ARID4B: variants seen among roughly 807,000 people sequenced by gnomAD.
ARID4B encodes the protein AT-rich interaction domain 4B.
A neutral mutation model predicts 147.5 loss-of-function variants in ARID4B; 26 were observed. The ratio of observed to expected loss-of-function variants is 0.18; its 90% CI spans 0.13 to 0.24. ARID4B has a LOEUF of 0.24. Among genes scored for constraint, ARID4B ranks in the 10% least tolerant of loss-of-function variants. The pLI is 1.00. For missense variants in ARID4B, 1,179 were observed against 1,511.5 expected, an observed-to-expected ratio of 0.78 and a Z score of 3.65; for synonymous variants, 512 against 507.9, an observed-to-expected ratio of 1.01 and a Z score of -0.11.
chr1:235,236,836 A>ATATATATATATATATATATATATGTG lies in ARID4B; in HGVS notation c.586-2345_586-2344insCACATATATATATATATATATATATA, dbSNP rs1558233414. ...CCCACAAAACGGTTTTATAAAAAAT[A>ATATATATATATATATATATATATGTG]TATATATATATATATATATATATAT... On this transcript the variant is annotated intron_variant, in intron 8 of 23. Transcript: ENST00000264183. Among the ~76,000 whole-genome samples the ATATATATATATATATATATATATGTG allele has an allele frequency of 1.6e-3, 39 of 24,780 alleles. 5 individuals are homozygous for ATATATATATATATATATATATATGTG. In the East Asian group the frequency reaches 0.016, roughly 10 times the overall value. The allele number at this position is 24,780 out of a possible 152,430, so 16.3% of individuals were successfully genotyped here.
intron 5 of ARID4B, among the ~76,000 whole-genome samples, chr1:235,255,220 T>TATATATAG (rs1264196304): frequency 3.2e-5 from 2 of 62,350 alleles, no homozygotes; most frequent in Admixed American, 3.6e-4. Context: ...TGCTGGGAGC[T>TATATATAG]AGATAGATAG....
chr1:235,245,671 G>C (rs890804457), intron 7 of ARID4B, among the ~76,000 whole-genome samples: 1 of 152,152 alleles, frequency 6.6e-6, no homozygotes. Context: ...ATATATAAAT[G>C]AAACTGTTAC....
At chr1:235,207,873 C>T (rs1273811474) in intron 17 of ARID4B, among the ~76,000 whole-genome samples, 2 of 152,138 alleles carry the variant, frequency 1.3e-5, no homozygotes, top group African/African-American at 2.4e-5. Flanking sequence ...AAATGTAACA[C>T]ATTTTTAATT....
In ARID4B at chr1:235,194,198, T is replaced by C. The variant is rs1558188149; in HGVS notation, c.1940A>G (p.Lys647Arg). ...HRKKIKNKLDKEKDKDEKYSP... is the reference protein window; with the variant it reads ...HRKKIKNKLDREKDKDEKYSP... ...GTATTTTTCATCTTTGTCTTTTTCT[T>C]TGTCTAATTTATTCTAGGTTAAGAA... The change falls in exon 19 of 24, where the codon AAA becomes AGA. Residue 647 changes from lysine (K) to arginine (R), a missense_variant. By Grantham distance (26) the Lys-to-Arg change is conservative (BLOSUM62 2). Transcript: ENST00000264183. 1.9e-6 allele frequency: 3 copies of C among 1,607,176 alleles called. No homozygotes were observed. Among genetic ancestry groups the C allele is most frequent in the Non-Finnish European group, 2.6e-6 (3 of 1,174,132 alleles).
chr1:235,259,573 G>C (rs904301549), intron 3 of ARID4B, among the ~76,000 whole-genome samples: 6 of 152,178 alleles, frequency 3.9e-5, no homozygotes, highest in African/African-American at 1.4e-4. Context: ...GGGAATACCA[G>C]TGTGTGAAGC....
At chr1:235,185,123 C>T (rs570235864) in intron 19 of ARID4B, among the ~76,000 whole-genome samples, 1 of 152,250 alleles carries the variant, frequency 6.6e-6, no homozygotes, top group South Asian at 2.1e-4. Context: ...GGCCTGCTGA[C>T]TTATTTATAA....
At chr1:235,211,189 C>A (rs142808309) in intron 17 of ARID4B, among the ~76,000 whole-genome samples, 2 of 152,182 alleles carry the variant, frequency 1.3e-5, no homozygotes, top group African/African-American at 4.8e-5. Flanking sequence ...CAAAAATTAG[C>A]TGGGCGTGGT....
At position 235,266,843 on chromosome 1, in the gene ARID4B, C is replaced by T. The variant is rs976364482; in HGVS notation, c.7-6091G>A. 2.0e-5 allele frequency among the ~76,000 whole-genome samples: 3 copies of T among 152,114 alleles called. No individual in the cohort carries two copies. In the East Asian group the frequency reaches 5.8e-4, roughly 29 times the overall value. The stretch of plus-strand genomic sequence containing the variant: ...ACTGACTAGGAAATACTCAATTATT[C>T]GAGATGGTTTTTAAAAAGCAAAACA... On this transcript the variant is annotated intron_variant, in intron 2 of 23. Coordinates refer to ENST00000264183, the MANE Select transcript of ARID4B (RefSeq NM_016374.6).
intron 2 of ARID4B, among the ~76,000 whole-genome samples, chr1:235,317,038 C>T (rs1674489072): frequency 9.2e-5 from 14 of 152,112 alleles, no homozygotes; most frequent in Admixed American, 9.2e-4. Context: ...TATTTCTGGT[C>T]CCAAGCATTT....
intron 2 of ARID4B, among the ~76,000 whole-genome samples, chr1:235,271,954 G>GTAA (rs911064894): frequency 4.8e-5 from 6 of 124,792 alleles, no homozygotes; most frequent in Admixed American, 1.7e-4. Flanking sequence ...ATCTCAAAAA[G>GTAA]TAATAATAAT....
intron 17 of ARID4B, among the ~76,000 whole-genome samples, chr1:235,206,295 C>T (rs890020505): frequency 4.0e-5 from 6 of 151,468 alleles, no homozygotes; most frequent in Admixed American, 1.3e-4. Flanking sequence ...AAAGCTTGAA[C>T]GATGAAGAAA....
chr1:235,257,656 T>C (rs1295377975), intron 3 of ARID4B, among the ~76,000 whole-genome samples: 4 of 152,022 alleles, frequency 2.6e-5, no homozygotes. Context: ...AATTTTTGTA[T>C]TTCTAATAGA....
At chr1:235,258,967 TAAAG>T (rs1455057254) in intron 3 of ARID4B, among the ~76,000 whole-genome samples, 1 of 152,196 alleles carries the variant, frequency 6.6e-6, no homozygotes, top group Non-Finnish European at 1.5e-5. Context: ...CTTTGAATCA[TAAAG>T]AAATTACACA....
intron 2 of ARID4B, among the ~76,000 whole-genome samples, chr1:235,295,059 G>A (rs1485956921): frequency 6.6e-6 from 1 of 151,366 alleles, no homozygotes; most frequent in Non-Finnish European, 1.5e-5. Flanking sequence ...AAAGTATTCT[G>A]AGCTTACATC....
At chr1:235,232,607 A>G (rs1341416338) in intron 9 of ARID4B, among the ~76,000 whole-genome samples, 2 of 151,308 alleles carry the variant, frequency 1.3e-5, no homozygotes, top group African/African-American at 4.9e-5. Flanking sequence ...GGTGGCACAC[A>G]CCTGTAGTGC....
chr1:235,276,925 G>T (rs769155826), intron 2 of ARID4B, among the ~76,000 whole-genome samples: 1 of 151,264 alleles, frequency 6.6e-6, no homozygotes, highest in Non-Finnish European at 1.5e-5. Context: ...GCTTGAACCC[G>T]GGAGGTGGAG....
intron 23 of ARID4B, among the ~76,000 whole-genome samples, chr1:235,172,273 T>C (rs905674455): frequency 1.3e-5 from 2 of 152,154 alleles, no homozygotes; most frequent in Admixed American, 6.6e-5. Context: ...CTGGTTTATG[T>C]TTAAATAAAG....
intron 14 of ARID4B, among the ~76,000 whole-genome samples, chr1:235,220,891 T>C (rs77418599): frequency 2.4e-5 from 1 of 42,360 alleles, no homozygotes; most frequent in African/African-American, 8.8e-5. Flanking sequence ...CCTTTTTTTG[T>C]TTTTTTTTGT....
intron 8 of ARID4B, among the ~76,000 whole-genome samples, chr1:235,238,156 A>G (rs1459072693): frequency 6.7e-6 from 1 of 149,480 alleles, no homozygotes; most frequent in Non-Finnish European, 1.5e-5. Context: ...AAAAAAAAAA[A>G]AGAAAAGAAA....
Sources: gnomAD v4.1 joint callset for allele counts (sites outside exome capture counted in the v4.1 genomes callset) on GRCh38, gnomAD v4.1.1 for gene constraint, MANE v1.5 for transcripts, NCBI Gene and HGNC (gene_info 2026-07-23, HGNC 2026-07-21) for gene names.